The following PPM1E variants were observed in gnomAD, a reference collection of about 807,000 sequenced individuals.
PPM1E encodes the protein protein phosphatase 1E.
PPM1E carries 20 observed loss-of-function variants against 65.9 expected under a neutral mutation model. That is an observed-to-expected ratio of 0.30 (90% CI 0.21 to 0.44). PPM1E has a LOEUF of 0.44. PPM1E is among the 20% of genes least tolerant of loss of function. The pLI is 1.00. For synonymous variants in PPM1E, 352 were observed against 374.9 expected (o/e 0.94, Z 0.70); for missense variants, 713 against 953.1 (o/e 0.75, Z 3.32).
chr17:58,843,627 C>G (rs1361850626), intron 1 of PPM1E, among the ~76,000 whole-genome samples: 1 of 152,034 alleles, frequency 6.6e-6, no homozygotes, highest in Non-Finnish European at 1.5e-5. Context: ...GAATTTGAGA[C>G]AAGCCTGGGC....
chr17:58,853,373 T>C (rs1197836856), intron 1 of PPM1E, among the ~76,000 whole-genome samples: 1 of 152,236 alleles, frequency 6.6e-6, no homozygotes, highest in Non-Finnish European at 1.5e-5. Context: ...TGTATTTTTC[T>C]CCACTGGATG....
intron 1 of PPM1E, among the ~76,000 whole-genome samples, chr17:58,953,657 C>T (rs1380960225): frequency 1.3e-5 from 2 of 152,054 alleles, no homozygotes; most frequent in African/African-American, 2.4e-5. Flanking sequence ...ACATTTGCAA[C>T]TTCCAAATTT....
chr17:58,956,822 T>C (rs1349460246), intron 2 of PPM1E, among the ~76,000 whole-genome samples: 2 of 152,206 alleles, frequency 1.3e-5, no homozygotes, highest in African/African-American at 2.4e-5. Flanking sequence ...TCATGGTATA[T>C]ATGGAGCAAA....
chr17:58,854,740 C>G (rs547209270), intron 1 of PPM1E, among the ~76,000 whole-genome samples: 2 of 151,974 alleles, frequency 1.3e-5, no homozygotes, highest in Non-Finnish European at 2.9e-5. Context: ...CTTACAGTTC[C>G]GGAATAAATC....
intron 1 of PPM1E, among the ~76,000 whole-genome samples, chr17:58,854,156 T>TTTTGGTGCTACTATAAATAGAATTG (rs1293527706): frequency 6.6e-6 from 1 of 152,196 alleles, no homozygotes; most frequent in African/African-American, 2.4e-5. Flanking sequence ...ATTTTATTCT[T>TTTTGGTGCTACTATAAATAGAATTG]TTTGGTGCTA....
intron 1 of PPM1E, among the ~76,000 whole-genome samples, chr17:58,877,997 G>A (rs2051146759): frequency 6.6e-6 from 1 of 151,686 alleles, no homozygotes; most frequent in Admixed American, 6.6e-5. Context: ...AAAAATTATG[G>A]TTCTGTTTAA....
intron 1 of PPM1E, among the ~76,000 whole-genome samples, chr17:58,826,892 G>A (rs1567845460): frequency 6.6e-6 from 1 of 151,982 alleles, no homozygotes; most frequent in African/African-American, 2.4e-5. Context: ...GCCTCCCAAA[G>A]TGCTGGGATT....
Position 58,756,247 on chromosome 17 carries a change from G to C in PPM1E, c.250G>C (p.Asp84His). The change falls in exon 1 of 7, where the codon GAC becomes CAC. Residue 84 changes from aspartate (D) to histidine (H), a missense_variant. By Grantham distance (81) the Asp-to-His change is moderately conservative (BLOSUM62 -1). Transcript: ENST00000308249. Reference protein sequence around the residue: ...AATEEGDQEQDPEPEEEAAVE... With the variant: ...AATEEGDQEQHPEPEEEAAVE... ...GACGGAGGAGGGGGACCAGGAGCAA[G>C]ACCCGGAGCCCGAGGAGGAGGCGGC... 1 of 1,551,692 alleles carries C rather than the reference G, an allele frequency of 6.4e-7. No homozygotes were observed. Among genetic ancestry groups the C allele is most frequent in the Non-Finnish European group, 8.7e-7 (1 of 1,147,280 alleles).
chr17:58,934,244 A>G (rs1466546781), intron 1 of PPM1E, among the ~76,000 whole-genome samples: 1 of 152,174 alleles, frequency 6.6e-6, no homozygotes, highest in African/African-American at 2.4e-5. Context: ...GGTGACTACA[A>G]TATTTTGACA....
At chr17:58,978,383 C>T (rs901941781) in intron 6 of PPM1E, among the ~76,000 whole-genome samples, 1 of 152,040 alleles carries the variant, frequency 6.6e-6, no homozygotes, top group East Asian at 1.9e-4. Context: ...GCTCAGTACC[C>T]TGTGTGTGGT....
chr17:58,958,117 C>T (rs924512644), intron 2 of PPM1E, among the ~76,000 whole-genome samples: 10 of 152,068 alleles, frequency 6.6e-5, no homozygotes, highest in South Asian at 4.1e-4. Context: ...GTCAACAGAG[C>T]GAGACCCTGT....
intron 1 of PPM1E, among the ~76,000 whole-genome samples, chr17:58,932,914 A>G (rs1038425775): frequency 6.6e-6 from 1 of 152,196 alleles, no homozygotes; most frequent in Non-Finnish European, 1.5e-5. Context: ...CCTGCTCTAT[A>G]TAGATGTACC....
At chr17:58,871,071 G>A (rs1159482587) in intron 1 of PPM1E, among the ~76,000 whole-genome samples, 1 of 152,094 alleles carries the variant, frequency 6.6e-6, no homozygotes, top group Non-Finnish European at 1.5e-5. Flanking sequence ...GTTTTGCTCT[G>A]TCACCCAGGC....
chr17:58,787,761 G>A (rs1053135704), intron 1 of PPM1E, among the ~76,000 whole-genome samples: 2 of 151,858 alleles, frequency 1.3e-5, no homozygotes, highest in African/African-American at 2.4e-5. Context: ...CAAAAAATTA[G>A]CCAGGCGTGG....
intron 1 of PPM1E, among the ~76,000 whole-genome samples, chr17:58,861,745 G>A (rs993827393): frequency 6.6e-6 from 1 of 152,050 alleles, no homozygotes; most frequent in Non-Finnish European, 1.5e-5. Flanking sequence ...GGGCAACATG[G>A]CGAAACCTCA....
chr17:58,866,908 A>C (rs924888522), intron 1 of PPM1E, among the ~76,000 whole-genome samples: 4 of 152,232 alleles, frequency 2.6e-5, no homozygotes, highest in Non-Finnish European at 5.9e-5. Flanking sequence ...GATATCAAAG[A>C]TGACAAAAGG....
At chr17:58,797,041 G>A (rs2143033874) in intron 1 of PPM1E, among the ~76,000 whole-genome samples, 1 of 152,316 alleles carries the variant, frequency 6.6e-6, no homozygotes, top group South Asian at 2.1e-4. Context: ...TCGTGAGGCA[G>A]AGGTTGCAGT....
intron 1 of PPM1E, among the ~76,000 whole-genome samples, chr17:58,918,805 CAAAAAAAAAAAA>C (rs71143301): frequency 5.3e-5 from 4 of 75,820 alleles, no homozygotes; most frequent in South Asian, 6.8e-4. Flanking sequence ...GACTCCGTCT[CAAAAAAAAAAAA>C]AAAAAAAAAA....
chr17:58,925,538 T>G (rs547447124), intron 1 of PPM1E, among the ~76,000 whole-genome samples: 10 of 152,130 alleles, frequency 6.6e-5, no homozygotes, highest in African/African-American at 2.4e-4. Context: ...CCTCCTGGGT[T>G]CATGCCATTC....
Sources: allele counts gnomAD v4.1 joint callset (sites outside exome capture counted in the v4.1 genomes callset), GRCh38; gene constraint gnomAD v4.1.1; transcripts MANE v1.5; gene names NCBI Gene and HGNC (gene_info 2026-07-23, HGNC 2026-07-21).